The following TENM3 variants were observed in gnomAD, a reference collection of about 807,000 sequenced individuals.
TENM3 encodes teneurin transmembrane protein 3.
In TENM3, 63 loss-of-function variants were observed where a neutral mutation model predicts 255.1. That is an observed-to-expected ratio of 0.25 (90% CI 0.20 to 0.30). The LOEUF (loss-of-function observed/expected upper bound fraction) is 0.30, where lower values mean the gene tolerates loss of function less well. Among genes scored for constraint, TENM3 ranks in the 10% least tolerant of loss-of-function variants. The pLI, the probability that TENM3 is intolerant of heterozygous loss-of-function variation, is 1.00. For synonymous variants in TENM3, 1,306 were observed against 1,322.3 expected (o/e 0.99, Z 0.27); for missense variants, 2,929 against 3,461.1 (o/e 0.85, Z 3.86).
In TENM3 at chr4:182,730,383, C is replaced by T. The variant is rs1372310221; in HGVS notation, c.2705+64C>T. The T allele has an allele frequency of 5.1e-6, 8 of 1,572,496 alleles. No individual in the cohort carries two copies. In the African/African-American group the frequency reaches 1.1e-4, roughly 21 times the overall value. On this transcript the variant is annotated intron_variant, in intron 15 of 27. Transcript: ENST00000511685. The stretch of plus-strand genomic sequence containing the variant: ...AATATAAAAACTAGACCTTCCTGTA[C>T]CACTGTCATGTTTGACTGTCCTTTT...
At chr4:181,945,427 A>G in the TENM3 span, among the ~76,000 whole-genome samples, 8 of 152,204 alleles carry the variant, frequency 5.3e-5, no homozygotes, top group African/African-American at 1.7e-4. Context: ...GAATGTTATC[A>G]TGGTTGGAAA....
intron 1 of TENM3, among the ~76,000 whole-genome samples, chr4:182,205,266 CCTAA>C (rs1389717343): frequency 1.3e-5 from 2 of 152,222 alleles, no homozygotes; most frequent in Non-Finnish European, 2.9e-5. Context: ...CTATTGCTCT[CCTAA>C]CTAAAATAGT....
chr4:181,634,883 A>G, the TENM3 span, among the ~76,000 whole-genome samples: 1 of 152,202 alleles, frequency 6.6e-6, no homozygotes, highest in South Asian at 2.1e-4. Context: ...TACTTGTATT[A>G]TTTTGAAGTA....
chr4:182,137,874 A>G, the TENM3 span, among the ~76,000 whole-genome samples: 4 of 152,212 alleles, frequency 2.6e-5, no homozygotes, highest in Non-Finnish European at 5.9e-5. Context: ...TGATATTCAG[A>G]AATAGGGGAA....
the TENM3 span, among the ~76,000 whole-genome samples, chr4:181,655,053 C>T: frequency 1.3e-5 from 2 of 152,150 alleles, no homozygotes; most frequent in Non-Finnish European, 2.9e-5. Context: ...TGAGAGTAAT[C>T]GACTGTGTTC....
chr4:182,418,187 G>T (rs377584878), intron 3 of TENM3, among the ~76,000 whole-genome samples: 1 of 152,172 alleles, frequency 6.6e-6, no homozygotes, highest in African/African-American at 2.4e-5. Flanking sequence ...ATTTCAATTC[G>T]AATATATTGC....
chr4:182,509,062 A>T (rs1367451159), intron 3 of TENM3, among the ~76,000 whole-genome samples: 1 of 152,234 alleles, frequency 6.6e-6, no homozygotes, highest in Non-Finnish European at 1.5e-5. Context: ...ATTATCCGTT[A>T]TTTTTAACAT....
the TENM3 span, among the ~76,000 whole-genome samples, chr4:182,115,878 C>G: frequency 6.7e-6 from 1 of 149,018 alleles, no homozygotes; most frequent in Non-Finnish European, 1.5e-5. Flanking sequence ...TCACCAGTTA[C>G]GTTTTTTAAA....
At chr4:181,991,932 T>A in the TENM3 span, among the ~76,000 whole-genome samples, 1 of 152,168 alleles carries the variant, frequency 6.6e-6, no homozygotes, top group African/African-American at 2.4e-5. Flanking sequence ...TGCCTTGTAC[T>A]TATATGTCCC....
the TENM3 span, among the ~76,000 whole-genome samples, chr4:181,531,339 ATC>A: frequency 6.6e-6 from 1 of 152,124 alleles, no homozygotes; most frequent in Non-Finnish European, 1.5e-5. Flanking sequence ...GCCAGATAAA[ATC>A]TCTGTCTTCC....
chr4:182,545,314 T>C (rs1013661833), intron 3 of TENM3, among the ~76,000 whole-genome samples: 2 of 152,206 alleles, frequency 1.3e-5, no homozygotes, highest in Non-Finnish European at 2.9e-5. Context: ...ATAGGTGATA[T>C]ATCAGCAAAC....
chr4:181,588,182 G>A, the TENM3 span, among the ~76,000 whole-genome samples: 3 of 152,152 alleles, frequency 2.0e-5, no homozygotes, highest in African/African-American at 7.2e-5. Flanking sequence ...TCGCAGTCCC[G>A]CAAGAATGCC....
chr4:182,363,261 T>C (rs1766158266), intron 3 of TENM3, among the ~76,000 whole-genome samples: 1 of 152,114 alleles, frequency 6.6e-6, no homozygotes, highest in African/African-American at 2.4e-5. Context: ...TCCTTGATCC[T>C]TGATGTGAGT....
the TENM3 span, among the ~76,000 whole-genome samples, chr4:181,559,943 T>G: frequency 1.3e-5 from 2 of 152,230 alleles, no homozygotes; most frequent in Admixed American, 1.3e-4. Context: ...ACTTAAAGAT[T>G]TGGATCTTAA....
At chr4:182,679,150 T>C (rs1755901695) in intron 7 of TENM3, among the ~76,000 whole-genome samples, 1 of 151,928 alleles carries the variant, frequency 6.6e-6, no homozygotes, top group African/African-American at 2.4e-5. Flanking sequence ...ATGGCACGTG[T>C]ATACCTATGT....
intron 3 of TENM3, among the ~76,000 whole-genome samples, chr4:182,470,959 T>A (rs1733065275): frequency 6.6e-6 from 1 of 152,202 alleles, no homozygotes; most frequent in Non-Finnish European, 1.5e-5. Flanking sequence ...TCAGTATTAT[T>A]TTTTAGTATA....
chr4:182,652,826 C>T (rs762754793), intron 5 of TENM3, among the ~76,000 whole-genome samples: 10 of 152,112 alleles, frequency 6.6e-5, no homozygotes, highest in Non-Finnish European at 1.3e-4. Flanking sequence ...GTAATATGAC[C>T]ATCACTGGGT....
chr4:182,076,217 T>TCTTC, the TENM3 span, among the ~76,000 whole-genome samples: 2 of 87,668 alleles, frequency 2.3e-5, no homozygotes, highest in African/African-American at 7.7e-5. Context: ...CTTCTTCTTT[T>TCTTC]TTTTTTTTTT....
At chr4:181,524,521 C>T in the TENM3 span, among the ~76,000 whole-genome samples, 1 of 152,158 alleles carries the variant, frequency 6.6e-6, no homozygotes, top group African/African-American at 2.4e-5. Context: ...AGGTTTTATG[C>T]ATTAAATTTA....
Sources: gnomAD v4.1 joint callset for allele counts (sites outside exome capture counted in the v4.1 genomes callset) on GRCh38, gnomAD v4.1.1 for gene constraint, MANE v1.5 for transcripts, NCBI Gene and HGNC (gene_info 2026-07-23, HGNC 2026-07-21) for gene names.